Variants in FMNL2 observed in about 807,000 individuals in gnomAD.
FMNL2 encodes the protein formin like 2, also known as formin-like protein 2.
FMNL2 carries 51 observed loss-of-function variants against 130.2 expected under a neutral mutation model. That is an observed-to-expected ratio of 0.39 (90% CI 0.31 to 0.49). The LOEUF is 0.49. FMNL2 is among the 20% of genes least tolerant of loss of function. The pLI is 0.85. For synonymous variants in FMNL2, 465 were observed against 467.1 expected (o/e 1.00, Z 0.06); for missense variants, 977 against 1,316.2 (o/e 0.74, Z 3.99).
chr2:152,350,501 CTGTT>C (rs1682418511), intron 1 of FMNL2, among the ~76,000 whole-genome samples: 1 of 152,174 alleles, frequency 6.6e-6, no homozygotes. Context: ...ATGGGACAGA[CTGTT>C]TGAGAATGGA....
chr2:152,458,749 A>G (rs1027060729), intron 1 of FMNL2, among the ~76,000 whole-genome samples: 2 of 152,198 alleles, frequency 1.3e-5, no homozygotes, highest in African/African-American at 4.8e-5. Context: ...GCCCCACGTG[A>G]TGCTGTGCGG....
chr2:152,593,902 T>TGTGTGA (rs1296082394), intron 9 of FMNL2, among the ~76,000 whole-genome samples: 1,263 of 81,514 alleles, frequency 0.015, 9 homozygotes, highest in Non-Finnish European at 0.02. Flanking sequence ...TGTGTGTGTG[T>TGTGTGA]GAGAGAGAGA....
intron 2 of FMNL2, among the ~76,000 whole-genome samples, chr2:152,522,620 T>G (rs1002924814): frequency 6.6e-6 from 1 of 152,156 alleles, no homozygotes; most frequent in African/African-American, 2.4e-5. Flanking sequence ...GATCTGATGG[T>G]TATCATAAGG....
intron 11 of FMNL2, among the ~76,000 whole-genome samples, chr2:152,612,431 G>A (rs1447766220): frequency 6.6e-6 from 1 of 152,132 alleles, no homozygotes; most frequent in South Asian, 2.1e-4. Flanking sequence ...GAAGTGGGGG[G>A]ATCATTGGAG....
intron 2 of FMNL2, among the ~76,000 whole-genome samples, chr2:152,540,810 G>A (rs1694273292): frequency 6.6e-6 from 1 of 152,002 alleles, no homozygotes; most frequent in South Asian, 2.1e-4. Flanking sequence ...CCTGCACAAT[G>A]TGCACATGTA....
At chr2:152,562,723 G>A (rs1695598950) in intron 6 of FMNL2, among the ~76,000 whole-genome samples, 1 of 152,152 alleles carries the variant, frequency 6.6e-6, no homozygotes, top group Non-Finnish European at 1.5e-5. Context: ...GGAATATATG[G>A]GCTGATTTGG....
chr2:152,476,717 A>T (rs1212827366), intron 1 of FMNL2, among the ~76,000 whole-genome samples: 1 of 151,888 alleles, frequency 6.6e-6, no homozygotes, highest in Non-Finnish European at 1.5e-5. Flanking sequence ...AAAATTGTAG[A>T]TGAGAGATAG....
intron 20 of FMNL2, among the ~76,000 whole-genome samples, chr2:152,630,700 G>A (rs1001752409): frequency 6.6e-6 from 1 of 152,196 alleles, no homozygotes; most frequent in Non-Finnish European, 1.5e-5. Flanking sequence ...AAGCATGTCT[G>A]TTTCAGGTCT....
At chr2:152,471,748 A>G (rs1380399232) in intron 1 of FMNL2, among the ~76,000 whole-genome samples, 1 of 151,822 alleles carries the variant, frequency 6.6e-6, no homozygotes, top group Non-Finnish European at 1.5e-5. Flanking sequence ...GATGATGGTG[A>G]TGTTTGGGAA....
chr2:152,529,984 T>C (rs1318531402), intron 2 of FMNL2, among the ~76,000 whole-genome samples: 1 of 152,168 alleles, frequency 6.6e-6, no homozygotes, highest in Non-Finnish European at 1.5e-5. Context: ...AAGAAACTTT[T>C]AGGCTGTATT....
At chr2:152,630,281 T>C (rs777452407) in intron 20 of FMNL2, among the ~76,000 whole-genome samples, 8 of 152,140 alleles carry the variant, frequency 5.3e-5, no homozygotes, top group Non-Finnish European at 1.2e-4. Flanking sequence ...CCAAGAAAGA[T>C]TTGTGTTTAG....
At chr2:152,641,193 T>C (rs1050506303) in intron 25 of FMNL2, among the ~76,000 whole-genome samples, 9 of 152,208 alleles carry the variant, frequency 5.9e-5, no homozygotes, top group Non-Finnish European at 7.3e-5. Flanking sequence ...ATTTTTTTTT[T>C]CCTCGTGGCC....
Position 152,619,583 on chromosome 2 carries a change from C to T in FMNL2, c.1702C>T (p.Pro568Ser). 6.5e-7 allele frequency: 1 copy of T among 1,549,458 alleles called. No homozygotes were observed. Among genetic ancestry groups the T allele is most frequent in the Non-Finnish European group, 8.7e-7 (1 of 1,146,052 alleles). Residue 568 changes from proline (P) to serine (S), a missense_variant, in exon 15 of 26, where the codon CCC (proline) becomes TCC (serine). Around this residue, in one of 4 missense-constraint regions of FMNL2, gnomAD observed 689 missense variants for 995.9 expected, o/e 0.69. Coordinates refer to ENST00000288670, the MANE Select transcript of FMNL2 (RefSeq NM_052905.4). ...TCCTCCACCTCCTCCTCCCCCACCGCCCCCTCCGCCTCCTCCTCTCCCAGG... is the reference window on the plus strand; with the variant it reads ...TCCTCCACCTCCTCCTCCCCCACCGTCCCCTCCGCCTCCTCCTCTCCCAGG... ...PPPPPPPPPP[P>S]PPPPPLPGPA...
Position 152,542,802 on chromosome 2 carries a change from C to A in FMNL2, c.265C>A (p.Pro89Thr). 6.2e-7 allele frequency: 1 copy of A among 1,613,942 alleles called. No homozygotes were observed. The highest frequency in any genetic ancestry group is 8.5e-7 in the Non-Finnish European group (1 of 1,179,856). The change falls in exon 3 of 26, where the codon CCA becomes ACA. Residue 89 changes from proline (P) to threonine (T), a missense_variant. Pro to Thr is a conservative substitution (Grantham distance 38). Coordinates refer to ENST00000288670, the MANE Select transcript of FMNL2 (RefSeq NM_052905.4). ...YIQKLKGYLD[P>T]AVTRKKFRRR... ...TCAAAAGCTCAAAGGCTATCTGGAT[C>A]CAGCTGTAACCAGGAAGGTAAGATG...
intron 16 of FMNL2, 101 bp downstream of exon 16, chr2:152,625,663 T>C: frequency 1.5e-6 from 2 of 1,348,896 alleles, no homozygotes; most frequent in Non-Finnish European, 2.0e-6. Flanking sequence ...AGTACTAGTG[T>C]TTTAAGTCCC....
intron 1 of FMNL2, among the ~76,000 whole-genome samples, chr2:152,347,211 C>A (rs1682177740): frequency 6.6e-6 from 1 of 152,162 alleles, no homozygotes; most frequent in African/African-American, 2.4e-5. Context: ...TTCTGGTCTC[C>A]CAGCCACAGT....
intron 20 of FMNL2, among the ~76,000 whole-genome samples, chr2:152,631,430 A>C (rs539856099): frequency 6.6e-6 from 1 of 152,074 alleles, no homozygotes; most frequent in South Asian, 2.1e-4. Flanking sequence ...GCAGTTAAAT[A>C]AAACACGTTA....
chr2:152,403,819 C>T (rs549029372), intron 1 of FMNL2, among the ~76,000 whole-genome samples: 13 of 152,308 alleles, frequency 8.5e-5, no homozygotes, highest in African/African-American at 2.6e-4. Flanking sequence ...CCTGTAATCC[C>T]AGCACTTTGG....
intron 9 of FMNL2, among the ~76,000 whole-genome samples, chr2:152,583,882 A>G (rs990094912): frequency 6.6e-6 from 1 of 152,214 alleles, no homozygotes; most frequent in Non-Finnish European, 1.5e-5. Context: ...TCTAAAAACC[A>G]TATAGACAGA....
Sources: gnomAD v4.1 joint callset for allele counts (sites outside exome capture counted in the v4.1 genomes callset) on GRCh38, gnomAD v4.1.1 for gene constraint, gnomAD v4.1.1 regional missense constraint, MANE v1.5 for transcripts, NCBI Gene and HGNC (gene_info 2026-07-23, HGNC 2026-07-21) for gene names.